Variants in DNAI4 observed in about 807,000 individuals in gnomAD.
DNAI4 encodes WD repeat domain 78.
A neutral mutation model predicts 105.8 loss-of-function variants in DNAI4; 85 were observed. That is an observed-to-expected ratio of 0.80 (90% CI 0.67 to 0.96). The LOEUF is 0.96. Ranked by LOEUF, DNAI4 falls within the 40% of genes least tolerant of loss-of-function variation. The pLI is 0.00. For synonymous variants in DNAI4, 352 were observed against 331.5 expected (o/e 1.06, Z -0.67); for missense variants, 1,014 against 1,005.6 (o/e 1.01, Z -0.11).
At chr1:66,908,658 A>C (rs1328224135) in intron 1 of DNAI4, among the ~76,000 whole-genome samples, 2 of 152,198 alleles carry the variant, frequency 1.3e-5, no homozygotes, top group Non-Finnish European at 2.9e-5. Context: ...AATACACTAT[A>C]TTTTAACTCA....
At chr1:66,818,388 A>G (rs1264665475) in intron 16 of DNAI4, among the ~76,000 whole-genome samples, 1 of 152,050 alleles carries the variant, frequency 6.6e-6, no homozygotes, top group African/African-American at 2.4e-5. Context: ...TAAATTTATA[A>G]ATGAGATTTA....
intron 1 of DNAI4, among the ~76,000 whole-genome samples, chr1:66,910,382 T>C (rs538714525): frequency 1.3e-5 from 2 of 152,356 alleles, no homozygotes; most frequent in Non-Finnish European, 2.9e-5. Context: ...TCTTTCGTGA[T>C]CTCTTCCTTG....
chr1:66,853,140 G>T (rs1457291095), intron 7 of DNAI4, among the ~76,000 whole-genome samples: 1 of 152,190 alleles, frequency 6.6e-6, no homozygotes, highest in Non-Finnish European at 1.5e-5. Context: ...ACAGGTCTCA[G>T]AGAAATTATT....
At chr1:66,837,864 G>T in intron 9 of DNAI4, 68 bp from the exon 10 acceptor site, 2 of 1,367,420 alleles carry the variant, frequency 1.5e-6, no homozygotes, top group Non-Finnish European at 2.0e-6. Flanking sequence ...AATGTATAAA[G>T]ATATATATTA....
At chr1:66,848,060 C>A in intron 7 of DNAI4, 1 of 372,186 alleles carries the variant, frequency 2.7e-6, no homozygotes. Flanking sequence ...TGTAACAAAT[C>A]ACAGTGGCTT....
At chr1:66,844,966 G>T (rs1285202183) in intron 8 of DNAI4, among the ~76,000 whole-genome samples, 4 of 152,082 alleles carry the variant, frequency 2.6e-5, no homozygotes, top group African/African-American at 2.4e-5. Context: ...GGCTGAGGAG[G>T]GCGGATCACC....
intron 13 of DNAI4, among the ~76,000 whole-genome samples, chr1:66,829,976 A>G (rs1645833083): frequency 6.6e-6 from 1 of 152,212 alleles, no homozygotes; most frequent in South Asian, 2.1e-4. Context: ...CCACCCATCA[A>G]AGAAGAAATC....
chr1:66,901,179 T>G (rs2100814229), intron 2 of DNAI4, among the ~76,000 whole-genome samples: 1 of 152,354 alleles, frequency 6.6e-6, no homozygotes, highest in East Asian at 1.9e-4. Context: ...ATTGTTTTTC[T>G]ATTCAATATT....
chr1:66,821,716 T>G (rs1376038721), intron 16 of DNAI4, among the ~76,000 whole-genome samples: 1 of 152,142 alleles, frequency 6.6e-6, no homozygotes, highest in East Asian at 1.9e-4. Context: ...TTTTTCATAT[T>G]GATTTGTGCA....
intron 7 of DNAI4, among the ~76,000 whole-genome samples, chr1:66,857,168 G>T (rs577527422): frequency 3.3e-5 from 5 of 152,010 alleles, no homozygotes; most frequent in Non-Finnish European, 5.9e-5. Context: ...GGACCTAAGA[G>T]AATTCATGTC....
chr1:66,894,511 T>C (rs1374189670), intron 2 of DNAI4, among the ~76,000 whole-genome samples: 1 of 152,164 alleles, frequency 6.6e-6, no homozygotes, highest in Non-Finnish European at 1.5e-5. Flanking sequence ...TAGTCAATTG[T>C]ATCATGTTTT....
intron 7 of DNAI4, among the ~76,000 whole-genome samples, chr1:66,856,804 CTT>C (rs1646511567): frequency 6.6e-6 from 1 of 151,844 alleles, no homozygotes; most frequent in African/African-American, 2.4e-5. Context: ...GAAAATACAA[CTT>C]ATCAAAATTT....
Position 66,876,539 on chromosome 1 carries a change from C to T in DNAI4, c.644-1602G>A, listed in dbSNP as rs1021726501. Reference sequence around the variant, plus strand: ...AACCTTCTTGATGGCAGAGGACTTACCATTCATAGACAAAGCCCTAGGATG... The same window carrying T: ...AACCTTCTTGATGGCAGAGGACTTATCATTCATAGACAAAGCCCTAGGATG... On this transcript the variant is annotated intron_variant, in intron 4 of 16. Coordinates refer to ENST00000371026, the MANE Select transcript of DNAI4 (RefSeq NM_024763.5). 2.6e-5 allele frequency among the ~76,000 whole-genome samples: 4 copies of T among 152,096 alleles called. No individual in the cohort carries two copies. The East Asian group carries it at 5.8e-4, about 22-fold the overall frequency.
rs181462254 is a variant in DNAI4 at position 66,915,855 on chromosome 1, G to A, written c.170+8807C>T. Among the ~76,000 whole-genome samples the A allele has an allele frequency of 2.6e-3, 400 of 152,202 alleles. 3 individuals carry two copies. The highest frequency in any genetic ancestry group is 9.2e-3 in the African/African-American group (381 of 41,548). Reference sequence around the variant, plus strand: ...AAAAAATCTTTGGTCAAGCACAGTGGCTCACGTCTGTAATCCAACACTTTG... The same window carrying A: ...AAAAAATCTTTGGTCAAGCACAGTGACTCACGTCTGTAATCCAACACTTTG... On this transcript the variant is annotated intron_variant, in intron 1 of 16. Transcript: ENST00000371026.
At chr1:66,839,577 A>T (rs2100469024) in intron 9 of DNAI4, among the ~76,000 whole-genome samples, 1 of 152,324 alleles carries the variant, frequency 6.6e-6, no homozygotes, top group Admixed American at 6.5e-5. Context: ...CAACAATATA[A>T]ATATTTATAT....
intron 6 of DNAI4, 141 bp downstream of exon 6, chr1:66,871,229 A>G: frequency 1.7e-6 from 1 of 596,286 alleles, no homozygotes; most frequent in Non-Finnish European, 2.8e-6. Flanking sequence ...GCTATAGAAC[A>G]CAGTGTCCAA....
Position 66,822,449 on chromosome 1 carries a change from T to C in DNAI4, c.2408A>G (p.Gln803Arg). The C allele has an allele frequency of 6.2e-7, 1 of 1,613,670 alleles. No individual in the cohort carries two copies. The highest frequency in any genetic ancestry group is 8.5e-7 in the Non-Finnish European group (1 of 1,179,816). ...GTCTCCTACCAGAAGGCAATCTGTT[T>C]GTTTGGCAAAGAGAATGGTTGTGAA... ...IKFTTILFAK[Q>R]TDCLLVGDSD... is the part of the protein sequence containing the mutation. Residue 803 changes from glutamine to arginine, a missense_variant, in exon 16 of 17, where the codon CAA becomes CGA. Transcript: ENST00000371026.
chr1:66,898,792 C>G (rs971289832), intron 2 of DNAI4, among the ~76,000 whole-genome samples: 10 of 152,168 alleles, frequency 6.6e-5, no homozygotes, highest in African/African-American at 2.4e-4. Flanking sequence ...CATCTCCGCT[C>G]CCAGCCCTAC....
intron 2 of DNAI4, among the ~76,000 whole-genome samples, chr1:66,899,891 A>ACT (rs1389789525): frequency 1.3e-5 from 2 of 152,032 alleles, no homozygotes; most frequent in Admixed American, 1.3e-4. Context: ...TTATTTCTGA[A>ACT]CTCTCAATTG....
Sources: gnomAD v4.1 joint callset for allele counts (sites outside exome capture counted in the v4.1 genomes callset) on GRCh38, gnomAD v4.1.1 for gene constraint, MANE v1.5 for transcripts, NCBI Gene and HGNC (gene_info 2026-07-23, HGNC 2026-07-21) for gene names.